KIAA1217: variants seen among roughly 807,000 people sequenced by gnomAD.
KIAA1217 encodes the protein KIAA1217, also known as sickle tail protein homolog.
KIAA1217 carries 88 observed loss-of-function variants against 163.9 expected under a neutral mutation model. The observed-to-expected ratio is 0.54, with a 90% CI of 0.45 to 0.64. The LOEUF is 0.64. Among genes scored for constraint, KIAA1217 ranks in the 30% least tolerant of loss-of-function variants. KIAA1217 has a pLI of 0.00. For synonymous variants in KIAA1217, 903 were observed against 923.1 expected, an observed-to-expected ratio of 0.98 and a Z score of 0.39; for missense variants, 2,372 against 2,475.0, an observed-to-expected ratio of 0.96 and a Z score of 0.88.
Position 23,834,781 on chromosome 10 carries a change from T to C in KIAA1217, c.-321+139547T>C, listed in dbSNP as rs549429068. Among the ~76,000 whole-genome samples the C allele has an allele frequency of 1.9e-4, 29 of 152,252 alleles. No homozygotes were observed. The South Asian group carries it at 5.8e-3, about 30-fold the overall frequency. On this transcript the variant is annotated intron_variant, in intron 1 of 18. Transcript: ENST00000376462. The stretch of plus-strand genomic sequence containing the variant: ...TCAAGGACAACTCCAATAATTGTGT[T>C]CTGCAGGATTGGTTGCCATTTACTA...
chr10:24,003,796 G>GA (rs1425826394), intron 1 of KIAA1217, among the ~76,000 whole-genome samples: 1 of 152,126 alleles, frequency 6.6e-6, no homozygotes, highest in East Asian at 1.9e-4. Flanking sequence ...CAGGAAAATT[G>GA]TGTTCATTCA....
chr10:23,817,996 T>TAC lies in KIAA1217; in HGVS notation c.-321+122763_-321+122764insCA, dbSNP rs1285638376. 1.2e-4 allele frequency among the ~76,000 whole-genome samples: 13 copies of TAC among 106,106 alleles called. 1 individual carries two copies. The highest frequency in any genetic ancestry group is 5.3e-4 in the African/African-American group (13 of 24,518). 69.6% of individuals were successfully genotyped at this position (106,106 alleles called of 152,430 possible). On this transcript the variant is annotated intron_variant, in intron 1 of 18. Transcript: ENST00000376462. ...ATATATATATATATATATATATATA[T>TAC]ATATATATATATACACACATATATA...
At chr10:24,058,070 T>A (rs1251041858) in intron 2 of KIAA1217, among the ~76,000 whole-genome samples, 1 of 152,234 alleles carries the variant, frequency 6.6e-6, no homozygotes, top group African/African-American at 2.4e-5. Flanking sequence ...GAGTTGACAT[T>A]TTTGTACAGT....
At chr10:24,401,490 C>T (rs541136837) in intron 3 of KIAA1217, among the ~76,000 whole-genome samples, 1 of 152,172 alleles carries the variant, frequency 6.6e-6, no homozygotes, top group East Asian at 1.9e-4. Flanking sequence ...GAAGGAGAAT[C>T]ATATGATCAT....
Position 24,543,308 on chromosome 10 carries a change from C to A in KIAA1217, c.4038C>A (p.Gly1346=). The A allele has an allele frequency of 1.2e-6, 2 of 1,614,064 alleles. No homozygotes were observed. Among genetic ancestry groups the A allele is most frequent in the Non-Finnish European group, 1.7e-6 (2 of 1,180,004 alleles). The change falls in exon 19 of 21, where the codon GGC becomes GGA. Residue 1346 remains glycine (G), a synonymous_variant. Coordinates refer to ENST00000376454, the MANE Select transcript of KIAA1217 (RefSeq NM_019590.5). ...AAGAGGTTATCACGACAGATTTTGG[C>A]CAAGTTGTTCTAAGACCCAAGGAGG... is the stretch of plus-strand genomic sequence containing the variant. ...EDQEVITTDF[G]QVVLRPKEAR... is the part of the protein sequence containing the mutation.
intron 2 of KIAA1217, among the ~76,000 whole-genome samples, chr10:24,263,668 T>C (rs547336726): frequency 1.3e-5 from 2 of 152,340 alleles, no homozygotes; most frequent in East Asian, 3.9e-4. Context: ...AGGCGCTGTT[T>C]CCTTCTAAGA....
intron 1 of KIAA1217, among the ~76,000 whole-genome samples, chr10:23,892,125 A>G (rs1385558795): frequency 6.6e-6 from 1 of 151,958 alleles, no homozygotes; most frequent in Admixed American, 6.6e-5. Context: ...AGGTATTTTT[A>G]TGCCTTTCTT....
At chr10:24,194,824 T>C (rs1177036623) in intron 2 of KIAA1217, among the ~76,000 whole-genome samples, 1 of 147,360 alleles carries the variant, frequency 6.8e-6, no homozygotes, top group Non-Finnish European at 1.5e-5. Context: ...CAGGCTGGTC[T>C]CTCAAACTCC....
intron 1 of KIAA1217, among the ~76,000 whole-genome samples, chr10:23,846,396 C>A (rs931575039): frequency 6.6e-6 from 1 of 152,140 alleles, no homozygotes; most frequent in Non-Finnish European, 1.5e-5. Context: ...TTTGCGTCCT[C>A]CTTTATTTCC....
At chr10:23,796,057 CA>C (rs1294163327) in intron 1 of KIAA1217, among the ~76,000 whole-genome samples, 1 of 152,146 alleles carries the variant, frequency 6.6e-6, no homozygotes, top group African/African-American at 2.4e-5. Context: ...GCTCCTAAGT[CA>C]AGTCCCTGCT....
chr10:24,118,929 C>A (rs146357167), intron 2 of KIAA1217, among the ~76,000 whole-genome samples: 1 of 151,976 alleles, frequency 6.6e-6, no homozygotes, highest in Non-Finnish European at 1.5e-5. Context: ...AAAGTAAGTA[C>A]TTTGTCTTTG....
intron 2 of KIAA1217, among the ~76,000 whole-genome samples, chr10:24,134,030 G>A (rs183638538): frequency 1.3e-5 from 2 of 152,152 alleles, no homozygotes; most frequent in African/African-American, 2.4e-5. Context: ...ACAATATGAT[G>A]TTTGCCTTTG....
intron 1 of KIAA1217, among the ~76,000 whole-genome samples, chr10:23,906,595 G>A (rs1842172454): frequency 2.0e-5 from 3 of 152,232 alleles, no homozygotes; most frequent in Admixed American, 6.5e-5. Flanking sequence ...TAGGAAAATA[G>A]TTCTGGATAA....
intron 1 of KIAA1217, among the ~76,000 whole-genome samples, chr10:23,913,956 C>A (rs979170860): frequency 6.6e-6 from 1 of 152,070 alleles, no homozygotes; most frequent in Admixed American, 6.6e-5. Flanking sequence ...GTACCTGGAC[C>A]CTCCCTGGAG....
At chr10:24,272,231 G>A (rs1425046290) in intron 2 of KIAA1217, among the ~76,000 whole-genome samples, 1 of 152,222 alleles carries the variant, frequency 6.6e-6, no homozygotes, top group Non-Finnish European at 1.5e-5. Flanking sequence ...AGTTAGGGAT[G>A]TCAGTGGTGC....
At chr10:24,130,073 A>C (rs1461645481) in intron 2 of KIAA1217, among the ~76,000 whole-genome samples, 3 of 152,132 alleles carry the variant, frequency 2.0e-5, no homozygotes, top group African/African-American at 7.2e-5. Flanking sequence ...TCTCTCACAG[A>C]AAAACCTTTT....
chr10:23,917,779 G>T (rs1842686680), intron 1 of KIAA1217, among the ~76,000 whole-genome samples: 1 of 152,188 alleles, frequency 6.6e-6, no homozygotes, highest in African/African-American at 2.4e-5. Context: ...TGCTAAGTAT[G>T]ACCAGCAAGG....
intron 9 of KIAA1217, among the ~76,000 whole-genome samples, chr10:24,511,428 C>T (rs918490380): frequency 2.6e-5 from 4 of 151,974 alleles, no homozygotes; most frequent in Admixed American, 1.3e-4. Context: ...AGATCACTTG[C>T]GGTCAGGAGT....
intron 2 of KIAA1217, among the ~76,000 whole-genome samples, chr10:24,116,691 T>C (rs2063068487): frequency 6.6e-6 from 1 of 152,154 alleles, no homozygotes; most frequent in Non-Finnish European, 1.5e-5. Context: ...TCACCACTCA[T>C]GGATCAGCCA....
Sources: gnomAD v4.1 joint callset for allele counts (sites outside exome capture counted in the v4.1 genomes callset) on GRCh38, gnomAD v4.1.1 for gene constraint, MANE v1.5 for transcripts, NCBI Gene and HGNC (gene_info 2026-07-23, HGNC 2026-07-21) for gene names.